Variants in GALNT17 observed in about 807,000 individuals in gnomAD.
GALNT17 encodes the protein UDP-GalNAc:polypeptide N-acetylgalactosaminyltransferase-like 3.
GALNT17 carries 29 observed loss-of-function variants against 63.7 expected under a neutral mutation model. That is an observed-to-expected ratio of 0.46 (90% confidence interval 0.34 to 0.62). The LOEUF (loss-of-function observed/expected upper bound fraction) is 0.62, where lower values mean the gene tolerates loss of function less well. Among genes scored for constraint, GALNT17 ranks in the 20% least tolerant of loss-of-function variants. The probability of loss-of-function intolerance (pLI) is 0.01; values close to 1 mark genes in which losing one functional copy is unlikely to be tolerated. For missense variants in GALNT17, 603 were observed against 799.6 expected, an observed-to-expected ratio of 0.75 and a Z score of 2.97; for synonymous variants, 305 against 318.3, an observed-to-expected ratio of 0.96 and a Z score of 0.45.
At chr7:71,153,487 A>G (rs1788171440) in intron 1 of GALNT17, among the ~76,000 whole-genome samples, 1 of 152,204 alleles carries the variant, frequency 6.6e-6, no homozygotes, top group Admixed American at 6.5e-5. Context: ...TCAGAAAGGT[A>G]GAGTCGATGA....
At chr7:71,448,416 G>A (rs1787196989) in intron 5 of GALNT17, among the ~76,000 whole-genome samples, 1 of 151,810 alleles carries the variant, frequency 6.6e-6, no homozygotes, top group Non-Finnish European at 1.5e-5. Flanking sequence ...TTTTGTTTGG[G>A]TGTTGAACCA....
chr7:71,556,874 A>T (rs976369472), intron 5 of GALNT17, among the ~76,000 whole-genome samples: 1 of 151,886 alleles, frequency 6.6e-6, no homozygotes, highest in Non-Finnish European at 1.5e-5. Flanking sequence ...CCCCCTTGAC[A>T]TAATCTTATT....
intron 6 of GALNT17, among the ~76,000 whole-genome samples, chr7:71,611,640 A>G (rs1790126818): frequency 6.6e-6 from 1 of 152,116 alleles, no homozygotes; most frequent in Non-Finnish European, 1.5e-5. Flanking sequence ...TAGAGCAGTC[A>G]TACATCCAAA....
intron 1 of GALNT17, among the ~76,000 whole-genome samples, chr7:71,176,502 G>A (rs999713682): frequency 3.3e-5 from 5 of 152,164 alleles, no homozygotes; most frequent in African/African-American, 7.2e-5. Context: ...GGCAGTGTGA[G>A]TGGCAGGACA....
At chr7:71,409,776 T>C (rs1386050853) in intron 3 of GALNT17, among the ~76,000 whole-genome samples, 1 of 152,104 alleles carries the variant, frequency 6.6e-6, no homozygotes, top group East Asian at 1.9e-4. Flanking sequence ...GAGAAAGAGT[T>C]TCATGAGTAT....
intron 6 of GALNT17, among the ~76,000 whole-genome samples, chr7:71,575,286 T>G (rs1362948977): frequency 6.6e-6 from 1 of 152,204 alleles, no homozygotes; most frequent in African/African-American, 2.4e-5. Context: ...TTTCATGTAG[T>G]GTACACACAT....
chr7:71,148,673 A>G (rs533459055), intron 1 of GALNT17, among the ~76,000 whole-genome samples: 42 of 152,062 alleles, frequency 2.8e-4, no homozygotes, highest in South Asian at 2.5e-3. Flanking sequence ...TCAAACATAC[A>G]TACATAATTG....
At chr7:71,711,847 CTCTT>C (rs1007361005) in intron 10 of GALNT17, among the ~76,000 whole-genome samples, 167 bp from the exon 11 acceptor site, 7 of 150,882 alleles carry the variant, frequency 4.6e-5, no homozygotes, top group Non-Finnish European at 8.9e-5. Flanking sequence ...TCTCTCTCTC[CTCTT>C]TCTGTCTTCT....
chr7:71,298,402 A>T (rs1791123076), intron 1 of GALNT17, among the ~76,000 whole-genome samples: 1 of 152,234 alleles, frequency 6.6e-6, no homozygotes, highest in Admixed American at 6.5e-5. Context: ...GAAAATAAGG[A>T]TATATAGTAT....
Position 71,427,297 on chromosome 7 carries a change from C to T in GALNT17, c.962+6192C>T, listed in dbSNP as rs118009076. On this transcript the variant is annotated intron_variant, in intron 5 of 10. Transcript: ENST00000333538. Reference sequence around the variant, plus strand: ...ATTTTTAGTAGAGACGAGGTTTTACCGTGTTAACCAGGTTGGTCTCAATCT... The same window carrying T: ...ATTTTTAGTAGAGACGAGGTTTTACTGTGTTAACCAGGTTGGTCTCAATCT... Among the ~76,000 whole-genome samples, 1,502 of 151,498 alleles carry T rather than the reference C, an allele frequency of 9.9e-3. 14 individuals are homozygous for T. The highest frequency in any genetic ancestry group is 0.038 in the Middle Eastern group (11 of 292).
At chr7:71,324,120 C>T (rs1451787081) in intron 1 of GALNT17, among the ~76,000 whole-genome samples, 1 of 152,126 alleles carries the variant, frequency 6.6e-6, no homozygotes, top group Non-Finnish European at 1.5e-5. Flanking sequence ...GCAAGGACTC[C>T]ACTAATAAGC....
intron 1 of GALNT17, among the ~76,000 whole-genome samples, chr7:71,242,297 T>A (rs542224254): frequency 1.5e-5 from 2 of 137,654 alleles, no homozygotes; most frequent in Admixed American, 1.6e-4. Context: ...TGAGACAGAG[T>A]CTCACTCTGT....
At chr7:71,239,391 G>C (rs1789954376) in intron 1 of GALNT17, among the ~76,000 whole-genome samples, 2 of 152,136 alleles carry the variant, frequency 1.3e-5, no homozygotes, top group Non-Finnish European at 2.9e-5. Context: ...AGGATCACTT[G>C]AGCCCAGGAA....
chr7:71,348,013 C>T (rs1792125399), intron 2 of GALNT17, among the ~76,000 whole-genome samples: 1 of 152,160 alleles, frequency 6.6e-6, no homozygotes, highest in Non-Finnish European at 1.5e-5. Context: ...GTAATCCTAG[C>T]ATTTTGGGAG....
intron 6 of GALNT17, among the ~76,000 whole-genome samples, chr7:71,651,602 C>T (rs1159226073): frequency 6.6e-6 from 1 of 152,208 alleles, no homozygotes; most frequent in Non-Finnish European, 1.5e-5. Context: ...TGCACCCAGC[C>T]TTTTAGCCAA....
At chr7:71,425,993 A>AG (rs531465980) in intron 5 of GALNT17, among the ~76,000 whole-genome samples, 103 of 152,288 alleles carry the variant, frequency 6.8e-4, no homozygotes, top group African/African-American at 2.4e-3. Context: ...AGAGAGAAGG[A>AG]GAAGGTGCCA....
At chr7:71,699,391 G>A (rs376887230) in intron 9 of GALNT17, among the ~76,000 whole-genome samples, 11 of 149,462 alleles carry the variant, frequency 7.4e-5, no homozygotes, top group African/African-American at 2.5e-4. Flanking sequence ...CAGGAGAATC[G>A]CTTGAACCTG....
intron 3 of GALNT17, among the ~76,000 whole-genome samples, chr7:71,408,739 G>A (rs1458644304): frequency 6.6e-6 from 1 of 151,998 alleles, no homozygotes; most frequent in African/African-American, 2.4e-5. Flanking sequence ...TGGGCATGGT[G>A]GTGTGTGCAG....
At chr7:71,164,711 A>C (rs1272033566) in intron 1 of GALNT17, among the ~76,000 whole-genome samples, 1 of 152,202 alleles carries the variant, frequency 6.6e-6, no homozygotes, top group Non-Finnish European at 1.5e-5. Flanking sequence ...GTGTGTGTGC[A>C]TGTGACAAGG....
Sources: gnomAD v4.1 joint callset for allele counts (sites outside exome capture counted in the v4.1 genomes callset) on GRCh38, gnomAD v4.1.1 for gene constraint, MANE v1.5 for transcripts, NCBI Gene and HGNC (gene_info 2026-07-23, HGNC 2026-07-21) for gene names.